CADM2: variants seen among roughly 807,000 people sequenced by gnomAD.
CADM2 encodes immunoglobulin superfamily member 4D.
A neutral mutation model predicts 49.8 loss-of-function variants in CADM2; 12 were observed. The ratio of observed to expected loss-of-function variants is 0.24; its 90% CI spans 0.15 to 0.39. The LOEUF is 0.39. CADM2 is among the 10% of genes least tolerant of loss of function. The pLI is 1.00. For synonymous variants in CADM2, 214 were observed against 175.4 expected (o/e 1.22, Z -1.74); for missense variants, 378 against 492.3 (o/e 0.77, Z 2.20).
chr3:85,377,234 CA>C (rs1175080957), intron 1 of CADM2, among the ~76,000 whole-genome samples: 1 of 151,980 alleles, frequency 6.6e-6, no homozygotes, highest in East Asian at 1.9e-4. Flanking sequence ...TGCTTTGTGA[CA>C]AACAAAAGTA....
chr3:85,553,520 A>C (rs2061871117), intron 1 of CADM2, among the ~76,000 whole-genome samples: 2 of 104,726 alleles, frequency 1.9e-5, no homozygotes, highest in Admixed American at 2.1e-4. Context: ...AAACAAGAAA[A>C]TTCTACATTC....
chr3:85,456,350 G>T (rs2037989078), intron 1 of CADM2, among the ~76,000 whole-genome samples: 1 of 152,034 alleles, frequency 6.6e-6, no homozygotes, highest in Non-Finnish European at 1.5e-5. Flanking sequence ...TAGATTTCCA[G>T]ACCACACAAT....
At chr3:85,827,133 G>C (rs942657578) in intron 3 of CADM2, among the ~76,000 whole-genome samples, 3 of 151,898 alleles carry the variant, frequency 2.0e-5, no homozygotes, top group Non-Finnish European at 4.4e-5. Flanking sequence ...ACCTTAAAGA[G>C]AGGGTATTAA....
At chr3:85,865,763 A>G (rs2075699957) in intron 3 of CADM2, among the ~76,000 whole-genome samples, 1 of 152,220 alleles carries the variant, frequency 6.6e-6, no homozygotes, top group Non-Finnish European at 1.5e-5. Context: ...AGATAAATGC[A>G]CGATACTACT....
Position 85,911,740 on chromosome 3 carries a change from A to C in CADM2, c.530-633A>C, listed in dbSNP as rs1309841198. Among the ~76,000 whole-genome samples, 5 of 152,256 alleles carry C rather than the reference A, an allele frequency of 3.3e-5. No individual in the cohort carries two copies. In the South Asian group the frequency reaches 6.2e-4, roughly 19 times the overall value. ...AGAAAATTAAGATTATGTTTTAGTA[A>C]AACTTATAGCTAAGAGAAAAGACAG... On this transcript the variant is annotated intron_variant, in intron 5 of 9. Transcript: ENST00000383699.
At chr3:85,396,583 G>A (rs1055047958) in intron 1 of CADM2, among the ~76,000 whole-genome samples, 24 of 151,990 alleles carry the variant, frequency 1.6e-4, no homozygotes, top group Non-Finnish European at 2.7e-4. Context: ...AATATGGATA[G>A]ATGATTTTTT....
chr3:85,205,340 A>C (rs1349743393), intron 1 of CADM2, among the ~76,000 whole-genome samples: 1 of 152,138 alleles, frequency 6.6e-6, no homozygotes, highest in Non-Finnish European at 1.5e-5. Flanking sequence ...TATTTTAAAC[A>C]TACTGTTTGA....
intron 3 of CADM2, among the ~76,000 whole-genome samples, chr3:85,829,610 G>T (rs931585208): frequency 6.6e-6 from 1 of 151,756 alleles, no homozygotes; most frequent in African/African-American, 2.4e-5. Flanking sequence ...CTGTACCTTG[G>T]ATCCCCAGAC....
chr3:85,979,017 G>A (rs897085961), intron 8 of CADM2: 2 of 774,572 alleles, frequency 2.6e-6, no homozygotes, highest in South Asian at 2.5e-5. Context: ...GACAAGAATT[G>A]TGTGACACAG....
intron 1 of CADM2, among the ~76,000 whole-genome samples, chr3:85,055,091 T>C (rs1227450947): frequency 6.6e-6 from 1 of 151,902 alleles, no homozygotes; most frequent in Non-Finnish European, 1.5e-5. Flanking sequence ...ACTGTACTTC[T>C]GCCATGACCC....
intron 1 of CADM2, among the ~76,000 whole-genome samples, chr3:84,996,990 A>G (rs12714617): frequency 0.24 from 36,219 of 152,060 alleles, 5,411 homozygotes; most frequent in Non-Finnish European, 0.34. Context: ...TGCATCTTCT[A>G]TAGACAACAA....
rs186888958 is a variant in CADM2, at chr3:85,200,183, A to G, written c.61+240515A>G. Among the ~76,000 whole-genome samples the G allele has an allele frequency of 6.6e-5, 10 of 152,148 alleles. No individual in the cohort carries two copies. The East Asian group carries it at 1.7e-3, about 26-fold the overall frequency. ...AAAATTCAGGTTTATCATATTTAAT[A>G]TAGACGTTAATATGACCTTCCTTGC... On this transcript the variant is annotated intron_variant, in intron 1 of 9. Coordinates refer to ENST00000383699, the MANE Select transcript of CADM2 (RefSeq NM_001167675.2).
intron 1 of CADM2, among the ~76,000 whole-genome samples, chr3:84,966,494 T>C (rs2030992034): frequency 6.6e-6 from 1 of 152,022 alleles, no homozygotes. Context: ...AAGTAAATTT[T>C]CTCAGGCTGC....
chr3:85,162,612 C>CA (rs2040360626), intron 1 of CADM2, among the ~76,000 whole-genome samples: 1 of 151,790 alleles, frequency 6.6e-6, no homozygotes, highest in Non-Finnish European at 1.5e-5. Context: ...AGAGTTTATA[C>CA]AAAAAGGCTT....
chr3:85,638,442 G>T (rs1195597503), intron 1 of CADM2, among the ~76,000 whole-genome samples: 1 of 151,756 alleles, frequency 6.6e-6, no homozygotes, highest in African/African-American at 2.4e-5. Flanking sequence ...TTGAACATTT[G>T]GTTATTTCCT....
At chr3:86,018,353 T>C (rs1732606456) in intron 8 of CADM2, among the ~76,000 whole-genome samples, 1 of 149,184 alleles carries the variant, frequency 6.7e-6, no homozygotes, top group Non-Finnish European at 1.5e-5. Flanking sequence ...TGCATGTGTC[T>C]TTATAGCAGC....
chr3:84,964,939 T>G (rs1193353346), intron 1 of CADM2, among the ~76,000 whole-genome samples: 1 of 152,196 alleles, frequency 6.6e-6, no homozygotes, highest in Non-Finnish European at 1.5e-5. Context: ...TTATGAAAGT[T>G]ATCCTAAAGT....
At chr3:85,790,085 C>T (rs1346467305) in intron 2 of CADM2, among the ~76,000 whole-genome samples, 5 of 151,778 alleles carry the variant, frequency 3.3e-5, no homozygotes, top group African/African-American at 1.2e-4. Context: ...GTGATATGGC[C>T]GAGTAAAACA....
chr3:85,154,974 G>A (rs149270525), intron 1 of CADM2, among the ~76,000 whole-genome samples: 14 of 151,692 alleles, frequency 9.2e-5, no homozygotes, highest in African/African-American at 2.7e-4. Context: ...GGTACCAGCC[G>A]CTGCAAAATC....
Sources: gnomAD v4.1 joint callset for allele counts (sites outside exome capture counted in the v4.1 genomes callset) on GRCh38, gnomAD v4.1.1 for gene constraint, MANE v1.5 for transcripts, NCBI Gene and HGNC (gene_info 2026-07-23, HGNC 2026-07-21) for gene names.